Variants in NUBP1 observed in about 807,000 individuals in gnomAD.
NUBP1 encodes cytosolic Fe-S cluster assembly factor NUBP1.
In NUBP1, 46 loss-of-function variants were observed where a neutral mutation model predicts 41.8. That is an observed-to-expected ratio of 1.10 (90% CI 0.87 to 1.41). The LOEUF is 1.41. NUBP1 is among the 40% of genes most tolerant of loss of function. NUBP1 has a pLI of 0.00. For synonymous variants in NUBP1, 189 were observed against 154.6 expected, an observed-to-expected ratio of 1.22 and a Z score of -1.65; for missense variants, 494 against 414.0, an observed-to-expected ratio of 1.19 and a Z score of -1.68.
chr16:10,758,132 T>G, intron 7 of NUBP1, 105 bp downstream of exon 7: 1 of 1,333,426 alleles, frequency 7.5e-7, no homozygotes, highest in South Asian at 1.3e-5. Flanking sequence ...CTCTTCCCAG[T>G]GTGTGTTCCG....
At chr16:10,762,661 C>T (rs778463021) in intron 9 of NUBP1, among the ~76,000 whole-genome samples, 14 of 152,296 alleles carry the variant, frequency 9.2e-5, no homozygotes, top group East Asian at 3.9e-4. Context: ...GAGGGGAGGC[C>T]GGGATCCAGG....
rs1900638142 is a variant in NUBP1, at chr16:10,757,512, G to T, written c.452-361G>T. ...GAGTAGACCGTGTTCTACACCATAGGGTGTTAAACAGTGTCCCTGGCCTTT... is the reference window on the plus strand; with the variant it reads ...GAGTAGACCGTGTTCTACACCATAGTGTGTTAAACAGTGTCCCTGGCCTTT... On this transcript the variant is annotated intron_variant, in intron 6 of 10. Coordinates refer to ENST00000283027, the MANE Select transcript of NUBP1 (RefSeq NM_002484.4). The surrounding 1 kb of genome is among the most constrained non-coding windows in gnomAD (Gnocchi z 4.1). Among the ~76,000 whole-genome samples the T allele has an allele frequency of 6.6e-6, 1 of 152,076 alleles. No individual in the cohort carries two copies. Among genetic ancestry groups the T allele is most frequent in the South Asian group, 2.1e-4 (1 of 4,824 alleles).
At chr16:10,752,589 T>C (rs1900368860) in intron 3 of NUBP1, 21 bp from the exon 4 acceptor site, 1 of 1,608,414 alleles carries the variant, frequency 6.2e-7, no homozygotes, top group Non-Finnish European at 8.5e-7. Context: ...TATAACCGCT[T>C]TGGTCTCTTC....
At chr16:10,753,907 T>C (rs540448633) in intron 4 of NUBP1, among the ~76,000 whole-genome samples, 2 of 152,196 alleles carry the variant, frequency 1.3e-5, no homozygotes, top group Admixed American at 1.3e-4. Flanking sequence ...CCGAAGCAGA[T>C]GGGGCCGGCC....
Position 10,766,813 on chromosome 16 carries a change from T to G in NUBP1, c.821-1136T>G, listed in dbSNP as rs1303083709. On this transcript the variant is annotated intron_variant, in intron 9 of 10. Coordinates refer to ENST00000283027, the MANE Select transcript of NUBP1 (RefSeq NM_002484.4). This position sits in a 1 kb window ranked among gnomAD's most constrained non-coding sequence, Gnocchi z 4.8. The stretch of plus-strand genomic sequence containing the variant: ...AATACCCTCTACTTGAGGTACGCCC[T>G]ATATAAACGAAAAGGATGAAGTAAA... The G allele has an allele frequency of 2.5e-6, 1 of 397,510 alleles. No individual in the cohort carries two copies. The highest frequency in any genetic ancestry group is 4.4e-6 in the Non-Finnish European group (1 of 225,930). 24.6% of individuals were successfully genotyped at this position (397,510 alleles called of 1,614,324 possible).
rs1280776353 is a variant in NUBP1, at chr16:10,767,579, C to T, written c.821-370C>T. ...CCCTTTTCGGACTTGGCCTTTTATG[C>T]CATATCCTTTTGCATTCTGTACTTT... On this transcript the variant is annotated intron_variant, in intron 9 of 10. Coordinates refer to ENST00000283027, the MANE Select transcript of NUBP1 (RefSeq NM_002484.4). The surrounding 1 kb of genome is among the most constrained non-coding windows in gnomAD (Gnocchi z 4.6). 4.4e-6 allele frequency: 2 copies of T among 452,284 alleles called. No homozygotes were observed. The highest frequency in any genetic ancestry group is 7.7e-6 in the Non-Finnish European group (2 of 258,550). The allele number at this position is 452,284 out of a possible 1,614,324, so 28.0% of individuals were successfully genotyped here. A position where few individuals can be genotyped will look rare whatever the true frequency, so the allele number is the denominator to read the frequency against.
Position 10,761,485 on chromosome 16 carries a change from G to A in NUBP1, c.717+11G>A, listed in dbSNP as rs369337742. 133 of 1,606,576 alleles carry A rather than the reference G, an allele frequency of 8.3e-5. No individual in the cohort carries two copies. In the African/African-American group the frequency reaches 1.0e-3, roughly 13 times the overall value. ...TGTCCTAAGTGCAAGGTGAGGGCGCGTGGGGCTGCCAGGCGAGCAAGATCT... is the reference window on the plus strand; with the variant it reads ...TGTCCTAAGTGCAAGGTGAGGGCGCATGGGGCTGCCAGGCGAGCAAGATCT... On this transcript the variant is annotated intron_variant, in intron 8 of 10. Coordinates refer to ENST00000283027, the MANE Select transcript of NUBP1 (RefSeq NM_002484.4).
At chr16:10,751,621 C>A (rs56961118) in intron 3 of NUBP1, among the ~76,000 whole-genome samples, 1 of 152,178 alleles carries the variant, frequency 6.6e-6, no homozygotes, top group Non-Finnish European at 1.5e-5. Flanking sequence ...TAGCCCTGTT[C>A]TCAGAAGGTT....
At chr16:10,764,263 T>C (rs1202343087) in intron 9 of NUBP1, among the ~76,000 whole-genome samples, 1 of 152,242 alleles carries the variant, frequency 6.6e-6, no homozygotes, top group African/African-American at 2.4e-5. Flanking sequence ...AGCACCTCAG[T>C]GTACTTTGCT....
intron 7 of NUBP1, chr16:10,760,845 A>C (rs977468808): frequency 3.9e-5 from 6 of 154,550 alleles, no homozygotes; most frequent in African/African-American, 9.6e-5. Context: ...CTAAATAAAT[A>C]TGGATTTGGC....
At chr16:10,755,831 C>T in intron 5 of NUBP1, 78 bp downstream of exon 5, 1 of 1,368,272 alleles carries the variant, frequency 7.3e-7, no homozygotes, top group African/African-American at 1.4e-5. Context: ...GTTTGTTGGT[C>T]CATAGGTATT....
chr16:10,767,561 C>T lies in NUBP1; in HGVS notation c.821-388C>T, dbSNP rs552444413. 2.0e-5 allele frequency: 9 copies of T among 453,008 alleles called. No homozygotes were observed. In the South Asian group the frequency reaches 2.6e-4, roughly 13 times the overall value. The allele number at this position is 453,008 out of a possible 1,614,324, so 28.1% of individuals were successfully genotyped here. On this transcript the variant is annotated intron_variant, in intron 9 of 10. Coordinates refer to ENST00000283027, the MANE Select transcript of NUBP1 (RefSeq NM_002484.4). This position sits in a 1 kb window ranked among gnomAD's most constrained non-coding sequence, Gnocchi z 4.6. Reference sequence around the variant, plus strand: ...CACCTAGAACACTAGTAGCCCTTTTCGGACTTGGCCTTTTATGCCATATCC... The same window carrying T: ...CACCTAGAACACTAGTAGCCCTTTTTGGACTTGGCCTTTTATGCCATATCC...
intron 2 of NUBP1, among the ~76,000 whole-genome samples, chr16:10,746,568 C>A (rs1420021292): frequency 6.6e-6 from 1 of 152,082 alleles, no homozygotes; most frequent in African/African-American, 2.4e-5. Flanking sequence ...TAGAGAAACA[C>A]CGTCTCTATT....
In NUBP1 at chr16:10,765,105, G is replaced by A. The variant is rs1462885340; in HGVS notation, c.821-2844G>A. On this transcript the variant is annotated intron_variant, in intron 9 of 10. Transcript: ENST00000283027. This position sits in a 1 kb window ranked among gnomAD's most constrained non-coding sequence, Gnocchi z 4.0. ...ATTGCCTCAACACAAACGTGGTGGTGGATTTTGGAGCATGGCAGCTGCTGC... is the reference window on the plus strand; with the variant it reads ...ATTGCCTCAACACAAACGTGGTGGTAGATTTTGGAGCATGGCAGCTGCTGC... 6.5e-6 allele frequency: 1 copy of A among 153,330 alleles called. No homozygotes were observed. The highest frequency in any genetic ancestry group is 6.6e-5 in the Admixed American group (1 of 15,262). The allele number at this position is 153,330 out of a possible 1,614,324, so 9.5% of individuals were successfully genotyped here.
chr16:10,769,337 A>C lies in NUBP1; in HGVS notation c.*232A>C. On this transcript the variant is annotated 3_prime_UTR_variant, in exon 11 of 11. Coordinates refer to ENST00000283027, the MANE Select transcript of NUBP1 (RefSeq NM_002484.4). ...ACAAATGTGCCGTTTTAAGAATAAA[A>C]CCCCCTCAAATCTCTCCCCCGAGGC... The C allele has an allele frequency of 4.4e-6, 2 of 451,360 alleles. No homozygotes were observed. The highest frequency in any genetic ancestry group is 2.0e-5 in the African/African-American group (1 of 49,268). 28.0% of individuals were successfully genotyped at this position (451,360 alleles called of 1,614,324 possible).
chr16:10,752,774 A>G (rs551413471), intron 4 of NUBP1, 96 bp downstream of exon 4: 1 of 1,033,004 alleles, frequency 9.7e-7, no homozygotes, highest in Non-Finnish European at 1.5e-6. Flanking sequence ...TGCGGAGCCC[A>G]TAAATGTTTT....
rs2031341116 is a variant in NUBP1, at chr16:10,769,207, A to G, written c.*102A>G. ...GCTCCGGGATGGGGTGGGTCACAGCAAAAGGACCAGATGCTGGTGTGGTCC... is the reference window on the plus strand; with the variant it reads ...GCTCCGGGATGGGGTGGGTCACAGCGAAAGGACCAGATGCTGGTGTGGTCC... On this transcript the variant is annotated 3_prime_UTR_variant, in exon 11 of 11. Transcript: ENST00000283027. The G allele has an allele frequency of 2.0e-6, 2 of 1,003,524 alleles. No homozygotes were observed. Among genetic ancestry groups the G allele is most frequent in the South Asian group, 2.7e-5 (2 of 73,172 alleles). 62.2% of individuals were successfully genotyped at this position (1,003,524 alleles called of 1,614,324 possible). A position where few individuals can be genotyped will look rare whatever the true frequency, so the allele number is the denominator to read the frequency against.
intron 4 of NUBP1, among the ~76,000 whole-genome samples, chr16:10,753,548 G>A (rs1900420281): frequency 1.3e-5 from 2 of 152,116 alleles, no homozygotes; most frequent in African/African-American, 4.8e-5. Context: ...GGGATGTCCC[G>A]AGAGTCTCAA....
intron 7 of NUBP1, among the ~76,000 whole-genome samples, chr16:10,760,308 G>T (rs1348444943): frequency 6.6e-6 from 1 of 152,242 alleles, no homozygotes; most frequent in Non-Finnish European, 1.5e-5. Flanking sequence ...GGACGGGCAT[G>T]GCTGGTTCCG....
Sources: gnomAD v4.1 joint callset for allele counts (sites outside exome capture counted in the v4.1 genomes callset) on GRCh38, gnomAD v4.1.1 for gene constraint, Gnocchi (gnomAD v3.1) non-coding constraint, MANE v1.5 for transcripts, NCBI Gene and HGNC (gene_info 2026-07-23, HGNC 2026-07-21) for gene names.